The following NARS2 variants were observed in gnomAD, a reference collection of about 807,000 sequenced individuals.
NARS2 encodes the protein asparaginyl-tRNA synthetase.
A neutral mutation model predicts 62.9 loss-of-function variants in NARS2; 60 were observed. The ratio of observed to expected loss-of-function variants is 0.95; its 90% CI spans 0.77 to 1.18. The LOEUF is 1.18. NARS2 is among the 50% of genes most tolerant of loss of function. The probability of loss-of-function intolerance (pLI) is 0.00; values close to 1 mark genes in which losing one functional copy is unlikely to be tolerated. For synonymous variants in NARS2, 196 were observed against 200.0 expected (o/e 0.98, Z 0.17); for missense variants, 619 against 576.4 (o/e 1.07, Z -0.76).
At chr11:78,438,881 T>C (rs867814328) in intron 13 of NARS2, among the ~76,000 whole-genome samples, 1 of 152,116 alleles carries the variant, frequency 6.6e-6, no homozygotes, top group South Asian at 2.1e-4. Context: ...TATACTAATA[T>C]AGAAGGAAGC....
chr11:78,559,235 G>A (rs1376696084), intron 5 of NARS2, among the ~76,000 whole-genome samples: 11 of 148,770 alleles, frequency 7.4e-5, no homozygotes, highest in South Asian at 4.3e-4. Context: ...CCCTAGAGGC[G>A]GAGGTTGCAG....
At chr11:78,511,832 AAAC>A (rs1483255687) in intron 6 of NARS2, among the ~76,000 whole-genome samples, 5 of 152,240 alleles carry the variant, frequency 3.3e-5, no homozygotes, top group East Asian at 1.9e-4. Flanking sequence ...GTTGATTAAG[AAAC>A]AACATTAACT....
intron 11 of NARS2, among the ~76,000 whole-genome samples, chr11:78,447,082 G>A (rs1165849396): frequency 2.0e-5 from 3 of 149,672 alleles, no homozygotes; most frequent in African/African-American, 7.4e-5. Context: ...TGACTAACAG[G>A]TGCAAGAAAA....
At chr11:78,518,652 G>A (rs1861000846) in intron 6 of NARS2, among the ~76,000 whole-genome samples, 1 of 152,010 alleles carries the variant, frequency 6.6e-6, no homozygotes, top group African/African-American at 2.4e-5. Flanking sequence ...GGAGTAGCTG[G>A]GACTACAGGC....
intron 5 of NARS2, among the ~76,000 whole-genome samples, chr11:78,544,848 T>G (rs374287908): frequency 0.011 from 1,584 of 142,832 alleles, 33 homozygotes; most frequent in African/African-American, 0.041. Context: ...CGCGTGGTGG[T>G]GGGCACCTGT....
At chr11:78,561,722 C>T (rs1856560784) in intron 4 of NARS2, among the ~76,000 whole-genome samples, 1 of 152,146 alleles carries the variant, frequency 6.6e-6, no homozygotes, top group African/African-American at 2.4e-5. Context: ...TAGCCACAGG[C>T]AGGCCATAGA....
At position 78,574,397 on chromosome 11, in the gene NARS2, C is replaced by T; in HGVS notation, c.92G>A (p.Arg31Gln). Reference protein sequence around the residue: ...KHKPSAKLSVRDALGAQNASG... With the variant: ...KHKPSAKLSVQDALGAQNASG... ...CGCGTTCTGAGCCCCGAGAGCGTCCCGCACGCTCAGTTTGGCTGAAGGTTT... is the reference window on the plus strand; with the variant it reads ...CGCGTTCTGAGCCCCGAGAGCGTCCTGCACGCTCAGTTTGGCTGAAGGTTT... The change falls in exon 1 of 14, where the codon CGG (arginine) becomes CAG (glutamine). Residue 31 changes from arginine to glutamine, a missense_variant. By Grantham distance (43) the Arg-to-Gln change is conservative. Transcript: ENST00000281038. The T allele has an allele frequency of 6.2e-7, 1 of 1,614,206 alleles. No individual in the cohort carries two copies. The highest frequency in any genetic ancestry group is 2.2e-5 in the East Asian group (1 of 44,880).
intron 6 of NARS2, among the ~76,000 whole-genome samples, chr11:78,513,656 T>A (rs1860800128): frequency 6.6e-6 from 1 of 151,938 alleles, no homozygotes; most frequent in African/African-American, 2.4e-5. Flanking sequence ...TGGGCGCCTG[T>A]AATCCCAGCT....
chr11:78,574,859 C>T lies in NARS2; in HGVS notation c.-371G>A. The stretch of plus-strand genomic sequence containing the variant: ...CACGCCAACGCCGCTTACGTCATCA[C>T]GCTACGGGGAAGAAGGGAGAGCATG... On this transcript the variant is annotated 5_prime_UTR_variant, in exon 1 of 14. In the 5' UTR this introduces an upstream ATG that the reference lacks. Transcript: ENST00000281038. 4.7e-6 allele frequency: 1 copy of T among 213,000 alleles called. No homozygotes were observed. Among genetic ancestry groups the T allele is most frequent in the Non-Finnish European group, 9.5e-6 (1 of 104,958 alleles). 13.2% of individuals were successfully genotyped at this position (213,000 alleles called of 1,614,324 possible).
intron 6 of NARS2, among the ~76,000 whole-genome samples, chr11:78,528,141 C>T (rs1565260353): frequency 6.6e-6 from 1 of 152,080 alleles, no homozygotes; most frequent in African/African-American, 2.4e-5. Context: ...AAGGCTGAGG[C>T]AGGAGAATCA....
At chr11:78,481,168 T>TA (rs536236445) in intron 7 of NARS2, among the ~76,000 whole-genome samples, 70 of 151,780 alleles carry the variant, frequency 4.6e-4, no homozygotes, top group Non-Finnish European at 8.4e-4. Flanking sequence ...ACTAAAATAA[T>TA]AAAAACAGAA....
intron 6 of NARS2, among the ~76,000 whole-genome samples, chr11:78,521,721 C>T (rs1207545752): frequency 3.1e-5 from 4 of 130,552 alleles, no homozygotes; most frequent in Non-Finnish European, 3.1e-5. Flanking sequence ...ACCCGGGAGG[C>T]GGAGCTTGCA....
At chr11:78,523,745 G>A (rs1861207091) in intron 6 of NARS2, among the ~76,000 whole-genome samples, 1 of 152,106 alleles carries the variant, frequency 6.6e-6, no homozygotes, top group Non-Finnish European at 1.5e-5. Context: ...ATCTATATAC[G>A]ATAAATATTC....
Position 78,478,495 on chromosome 11 carries a change from A to T in NARS2, c.922-20T>A, listed in dbSNP as rs1451218385. On this transcript the variant is annotated intron_variant, in intron 8 of 13. Coordinates refer to ENST00000281038, the MANE Select transcript of NARS2 (RefSeq NM_024678.6). ...TCTGTCCTTAATAAAAAGACAAAAAAGAAAATTTTAAAAATATAATTTTAT... is the reference window on the plus strand; with the variant it reads ...TCTGTCCTTAATAAAAAGACAAAAATGAAAATTTTAAAAATATAATTTTAT... 1 of 1,215,172 alleles carries T rather than the reference A, an allele frequency of 8.2e-7. No individual in the cohort carries two copies. 75.3% of individuals were successfully genotyped at this position (1,215,172 alleles called of 1,614,324 possible).
intron 6 of NARS2, among the ~76,000 whole-genome samples, chr11:78,521,775 G>T (rs1424814458): frequency 8.1e-6 from 1 of 124,004 alleles, no homozygotes; most frequent in Non-Finnish European, 1.6e-5. Flanking sequence ...GGGCGACAGA[G>T]CGAGACTCCG....
intron 4 of NARS2, 81 bp downstream of exon 4, chr11:78,566,051 A>G: frequency 8.5e-7 from 1 of 1,181,982 alleles, no homozygotes; most frequent in Non-Finnish European, 1.2e-6. Flanking sequence ...ACATGTTAAC[A>G]TCAGGAGAAA....
chr11:78,471,597 A>G (rs1858877808), intron 9 of NARS2, among the ~76,000 whole-genome samples: 1 of 151,588 alleles, frequency 6.6e-6, no homozygotes, highest in Non-Finnish European at 1.5e-5. Flanking sequence ...GGTTAGTTAC[A>G]TATGTATACA....
At chr11:78,519,014 C>T (rs564447825) in intron 6 of NARS2, among the ~76,000 whole-genome samples, 7 of 152,016 alleles carry the variant, frequency 4.6e-5, no homozygotes, top group Non-Finnish European at 8.8e-5. Context: ...ATGCAAGACA[C>T]GAATCATAAT....
intron 6 of NARS2, among the ~76,000 whole-genome samples, chr11:78,518,438 A>G (rs1318029023): frequency 6.6e-6 from 1 of 152,248 alleles, no homozygotes; most frequent in Non-Finnish European, 1.5e-5. Flanking sequence ...GCTGAGACAG[A>G]CTTGTCTTCA....
Sources: gnomAD v4.1 joint callset for allele counts (sites outside exome capture counted in the v4.1 genomes callset) on GRCh38, gnomAD v4.1.1 for gene constraint, MANE v1.5 for transcripts, NCBI Gene and HGNC (gene_info 2026-07-23, HGNC 2026-07-21) for gene names.